MOCOS: variants seen among roughly 807,000 people sequenced by gnomAD.
MOCOS encodes molybdenum cofactor sulfurase.
MOCOS carries 86 observed loss-of-function variants against 83.6 expected under a neutral mutation model. That is an observed-to-expected ratio of 1.03 (90% CI 0.86 to 1.23). The LOEUF is 1.23. MOCOS is among the 50% of genes most tolerant of loss of function. MOCOS has a pLI of 0.00. For synonymous variants in MOCOS, 445 were observed against 434.7 expected, an observed-to-expected ratio of 1.02 and a Z score of -0.29; for missense variants, 1,120 against 1,126.9, an observed-to-expected ratio of 0.99 and a Z score of 0.09.
chr18:36,193,317 CAAAAAAAAAAAAAAAAAAAAAAAAAA>C (rs555145311), intron 1 of MOCOS, among the ~76,000 whole-genome samples: 1 of 38,304 alleles, frequency 2.6e-5, no homozygotes, highest in East Asian at 1.3e-3. Context: ...GACTCCGTCT[CAAAAAAAAAAAAAAAAAAAAAAAAAA>C]AAAAAAAAAA....
chr18:36,240,448 G>T (rs1193730073), intron 9 of MOCOS, among the ~76,000 whole-genome samples: 4 of 150,494 alleles, frequency 2.7e-5, no homozygotes, highest in Non-Finnish European at 3.0e-5. Context: ...AGGCTGCTCG[G>T]GGGTCAGGGG....
intron 9 of MOCOS, among the ~76,000 whole-genome samples, chr18:36,222,924 ATTTGGTTTTCTGTTTGTTTGTT>A (rs2091502112): frequency 6.6e-6 from 1 of 152,110 alleles, no homozygotes; most frequent in African/African-American, 2.4e-5. Context: ...AAATTAGGTT[ATTTGGTTTTCTGTTTGTTTGTT>A]TACTGCTGAG....
At chr18:36,256,808 T>G (rs1157357062) in intron 11 of MOCOS, 160 bp from the exon 12 acceptor site, 1 of 697,748 alleles carries the variant, frequency 1.4e-6, no homozygotes, top group Non-Finnish European at 2.6e-6. Flanking sequence ...TATTGAGAGA[T>G]ATGCACCATG....
chr18:36,191,678 C>A (rs2091366712), intron 1 of MOCOS, among the ~76,000 whole-genome samples: 1 of 152,196 alleles, frequency 6.6e-6, no homozygotes, highest in Non-Finnish European at 1.5e-5. Context: ...CTCAAGCAAT[C>A]CTGCCTTGGC....
At chr18:36,198,889 T>A in intron 3 of MOCOS, 133 bp downstream of exon 3, 2 of 901,618 alleles carry the variant, frequency 2.2e-6, no homozygotes, top group Non-Finnish European at 3.6e-6. Context: ...GCAATGCATG[T>A]ATGTTGAGAA....
intron 10 of MOCOS, among the ~76,000 whole-genome samples, chr18:36,250,238 A>G (rs1316930942): frequency 2.6e-5 from 4 of 152,198 alleles, no homozygotes; most frequent in Admixed American, 6.5e-5. Flanking sequence ...CTACCAGTTA[A>G]CACAATGCAC....
At chr18:36,208,317 T>C (rs1297917856) in intron 6 of MOCOS, among the ~76,000 whole-genome samples, 1 of 152,210 alleles carries the variant, frequency 6.6e-6, no homozygotes, top group African/African-American at 2.4e-5. Flanking sequence ...AATAGTTTTT[T>C]TTTCTAATTC....
intron 13 of MOCOS, among the ~76,000 whole-genome samples, chr18:36,261,071 G>T (rs1028494101): frequency 8.5e-5 from 13 of 152,120 alleles, no homozygotes; most frequent in Admixed American, 6.5e-4. Flanking sequence ...AATGACACTG[G>T]CCCAGAGTCA....
chr18:36,232,880 A>G (rs1422674559), intron 9 of MOCOS, among the ~76,000 whole-genome samples: 1 of 135,548 alleles, frequency 7.4e-6, no homozygotes, highest in Non-Finnish European at 1.7e-5. Flanking sequence ...ACACACACAC[A>G]CACACACACC....
Position 36,270,302 on chromosome 18 carries a change from A to T in MOCOS, c.*1617A>T, listed in dbSNP as rs2091695091. 1 of 152,256 alleles carries T rather than the reference A, an allele frequency of 6.6e-6. No homozygotes were observed. The highest frequency in any genetic ancestry group is 1.5e-5 in the Non-Finnish European group (1 of 68,062). 9.4% of individuals were successfully genotyped at this position (152,256 alleles called of 1,614,324 possible). ...ATGGATTTATCCACCTACTCAGGCC[A>T]GTTTCATGCAGGAGGGAACTTTCCA... On this transcript the variant is annotated 3_prime_UTR_variant, in exon 15 of 15. Coordinates refer to ENST00000261326, the MANE Select transcript of MOCOS (RefSeq NM_017947.4).
At chr18:36,240,831 C>T (rs377291688) in intron 9 of MOCOS, among the ~76,000 whole-genome samples, 23 of 152,194 alleles carry the variant, frequency 1.5e-4, no homozygotes, top group East Asian at 7.7e-4. Flanking sequence ...GATATAATCT[C>T]GTGGTGCGCC....
At chr18:36,233,082 A>T (rs1156354989) in intron 9 of MOCOS, among the ~76,000 whole-genome samples, 1 of 151,906 alleles carries the variant, frequency 6.6e-6, no homozygotes, top group East Asian at 1.9e-4. Context: ...TACATGGGTA[A>T]GTTCTTTAGG....
intron 9 of MOCOS, among the ~76,000 whole-genome samples, chr18:36,232,854 TTACACACACA>T (rs1756880428): frequency 2.2e-5 from 1 of 45,044 alleles, no homozygotes; most frequent in Non-Finnish European, 5.5e-5. Context: ...TAATATTCCA[TTACACACACA>T]CACACACACA....
At chr18:36,249,066 T>TA (rs1210379004) in intron 10 of MOCOS, 66 bp downstream of exon 10, 1 of 1,333,614 alleles carries the variant, frequency 7.5e-7, no homozygotes, top group Non-Finnish European at 1.1e-6. Flanking sequence ...GGGAAGAGGG[T>TA]AATGCCCTAT....
chr18:36,266,628 G>C, intron 13 of MOCOS, 121 bp from the exon 14 acceptor site: 1 of 788,916 alleles, frequency 1.3e-6, no homozygotes, highest in Non-Finnish European at 2.2e-6. Context: ...ACGGTGAACA[G>C]GTGCCACGTT....
At chr18:36,232,736 A>G (rs996324757) in intron 9 of MOCOS, among the ~76,000 whole-genome samples, 6 of 152,130 alleles carry the variant, frequency 3.9e-5, no homozygotes, top group African/African-American at 1.4e-4. Context: ...GAGTGAGAAC[A>G]TGCAGTATTT....
intron 9 of MOCOS, among the ~76,000 whole-genome samples, chr18:36,229,182 G>T (rs544879481): frequency 1.3e-5 from 2 of 152,080 alleles, no homozygotes; most frequent in Non-Finnish European, 2.9e-5. Context: ...CTATTGTGTT[G>T]TTGTTTAGTG....
At position 36,220,079 on chromosome 18, in the gene MOCOS, C is replaced by T. The variant is rs1442832053; in HGVS notation, c.1822C>T (p.Gln608Ter). The change falls in exon 9 of 15, where the codon CAA becomes TAA. Residue 608 changes from glutamine to a stop codon, truncating the protein, a stop_gained. Transcript: ENST00000261326. LOFTEE classifies it high-confidence loss of function. Reference sequence around the variant, plus strand: ...GGTGACCAGGTGGCCTGTAGGAAACCAAGGGCTGCTATATGACCGGAGCTG... The same window carrying T: ...GGTGACCAGGTGGCCTGTAGGAAACTAAGGGCTGCTATATGACCGGAGCTG... ...FEVTRWPVGN[Q>*]GLLYDRSWMV... is the part of the protein sequence containing the mutation. 6.2e-7 allele frequency: 1 copy of T among 1,613,380 alleles called. No individual in the cohort carries two copies. The highest frequency in any genetic ancestry group is 1.3e-5 in the African/African-American group (1 of 75,004).
chr18:36,241,715 A>T (rs1285323439), intron 9 of MOCOS, among the ~76,000 whole-genome samples: 1 of 152,190 alleles, frequency 6.6e-6, no homozygotes, highest in East Asian at 1.9e-4. Context: ...CCCTGTGCAG[A>T]CTTCTGTCTG....
Sources: gnomAD v4.1 joint callset for allele counts (sites outside exome capture counted in the v4.1 genomes callset) on GRCh38, gnomAD v4.1.1 for gene constraint, MANE v1.5 for transcripts, NCBI Gene and HGNC (gene_info 2026-07-23, HGNC 2026-07-21) for gene names.